ESRP1: variants seen among roughly 807,000 people sequenced by gnomAD.
The protein encoded by ESRP1 is epithelial splicing regulatory protein 1.
ESRP1 carries 33 observed loss-of-function variants against 81.7 expected under a neutral mutation model. The ratio of observed to expected loss-of-function variants is 0.40; its 90% CI spans 0.31 to 0.54. The LOEUF is 0.54. ESRP1 is among the 20% of genes least tolerant of loss of function. ESRP1 has a pLI of 0.41. For missense variants in ESRP1, 672 were observed against 833.1 expected (o/e 0.81, Z 2.38); for synonymous variants, 320 against 303.3 (o/e 1.06, Z -0.57).
rs779743725 is a variant in ESRP1, at chr8:94,668,117, G to A, written c.1100G>A (p.Gly367Asp). 2 of 1,613,984 alleles carry A rather than the reference G, an allele frequency of 1.2e-6. No homozygotes were observed. The highest frequency in any genetic ancestry group is 2.2e-5 in the East Asian group (1 of 44,884). The change falls in exon 10 of 16, where the codon GGT (glycine) becomes GAT (aspartate). Residue 367 changes from glycine to aspartate, a missense_variant. Transcript: ENST00000433389. The stretch of plus-strand genomic sequence containing the variant: ...ATCCTCTTTGTCACCTACCCAGATG[G>A]TAGGCCAACAGGGGACGCTTTTGTC... ...EGILFVTYPD[G>D]RPTGDAFVLF...
intron 4 of ESRP1, among the ~76,000 whole-genome samples, chr8:94,656,519 C>T (rs1483611288): frequency 1.3e-5 from 2 of 152,222 alleles, no homozygotes; most frequent in Admixed American, 6.5e-5. Context: ...CCACGCCCGG[C>T]CCATAAAGGT....
At chr8:94,680,435 C>CTT (rs1359787577) in intron 13 of ESRP1, among the ~76,000 whole-genome samples, 3 of 151,246 alleles carry the variant, frequency 2.0e-5, no homozygotes, top group Non-Finnish European at 4.4e-5. Flanking sequence ...ACATTAATTT[C>CTT]TTTTTTTTTG....
At position 94,671,435 on chromosome 8, in the gene ESRP1, G is replaced by T; in HGVS notation, c.1234-18G>T. 6.2e-7 allele frequency: 1 copy of T among 1,603,654 alleles called. No individual in the cohort carries two copies. Among genetic ancestry groups the T allele is most frequent in the Non-Finnish European group, 8.5e-7 (1 of 1,173,714 alleles). ...AGTAGCACAGCTCTAAATTACTTCT[G>T]TTTTGCTTTGAGTACAGGTGCTGAA... On this transcript the variant is annotated intron_variant, in intron 10 of 15. Coordinates refer to ENST00000433389, the MANE Select transcript of ESRP1 (RefSeq NM_017697.4).
At chr8:94,678,526 C>T (rs775130817) in intron 13 of ESRP1, among the ~76,000 whole-genome samples, 155 bp downstream of exon 13, 1 of 152,210 alleles carries the variant, frequency 6.6e-6, no homozygotes, top group East Asian at 1.9e-4. Context: ...AAGGTTGTTT[C>T]AAGACAAAGC....
chr8:94,641,815 C>G (rs62523409), intron 1 of ESRP1, 141 bp from the exon 2 acceptor site: 3 of 1,349,780 alleles, frequency 2.2e-6, no homozygotes, highest in African/African-American at 1.5e-5. Flanking sequence ...GCACCGGAAC[C>G]GATGGCGAGT....
intron 4 of ESRP1, among the ~76,000 whole-genome samples, chr8:94,647,511 C>T (rs1817909966): frequency 1.3e-5 from 2 of 152,200 alleles, no homozygotes; most frequent in African/African-American, 2.4e-5. Context: ...CTGGTGATGG[C>T]TCTTCCTGGC....
intron 10 of ESRP1, among the ~76,000 whole-genome samples, chr8:94,669,309 T>C (rs2130632784): frequency 6.6e-6 from 1 of 152,318 alleles, no homozygotes; most frequent in South Asian, 2.1e-4. Flanking sequence ...TAGTGATTCA[T>C]ATGATTCCAC....
At chr8:94,667,068 GGTGTGTGTGTGT>G (rs1163646804) in intron 9 of ESRP1, among the ~76,000 whole-genome samples, 2 of 144,244 alleles carry the variant, frequency 1.4e-5, no homozygotes, top group African/African-American at 2.6e-5. Context: ...CCAGGAGAGG[GGTGTGTGTGTGT>G]GTGTGTGTGT....
intron 4 of ESRP1, among the ~76,000 whole-genome samples, chr8:94,660,267 A>G (rs1818650181): frequency 6.6e-6 from 1 of 152,210 alleles, no homozygotes; most frequent in East Asian, 1.9e-4. Flanking sequence ...AGTTAAAGCT[A>G]ATGGTCATTA....
chr8:94,670,461 C>T (rs978997544), intron 10 of ESRP1, among the ~76,000 whole-genome samples: 1 of 152,102 alleles, frequency 6.6e-6, no homozygotes, highest in Non-Finnish European at 1.5e-5. Context: ...TCCCCTCTTA[C>T]TCAGATAGCA....
intron 4 of ESRP1, among the ~76,000 whole-genome samples, chr8:94,651,668 G>A (rs1398427971): frequency 6.6e-6 from 1 of 152,016 alleles, no homozygotes; most frequent in Non-Finnish European, 1.5e-5. Context: ...CCAGGCTGGA[G>A]TGCAATGATG....
chr8:94,678,819 A>G (rs1014111764), intron 13 of ESRP1, among the ~76,000 whole-genome samples: 3 of 152,258 alleles, frequency 2.0e-5, no homozygotes, highest in Non-Finnish European at 4.4e-5. Context: ...CTAAATCTTT[A>G]AACAAATCTA....
At chr8:94,673,644 A>C (rs1819443370) in intron 11 of ESRP1, among the ~76,000 whole-genome samples, 1 of 152,236 alleles carries the variant, frequency 6.6e-6, no homozygotes, top group African/African-American at 2.4e-5. Flanking sequence ...TACTAATAGA[A>C]AATGTCTGTT....
At chr8:94,671,216 A>AT (rs1181824483) in intron 10 of ESRP1, among the ~76,000 whole-genome samples, 4 of 152,208 alleles carry the variant, frequency 2.6e-5, no homozygotes, top group African/African-American at 9.6e-5. Flanking sequence ...TTTGACAAAA[A>AT]TGAGTATCAT....
intron 1 of ESRP1, 107 bp from the exon 2 acceptor site, chr8:94,641,849 G>A: frequency 6.6e-7 from 1 of 1,511,630 alleles, no homozygotes; most frequent in Non-Finnish European, 8.9e-7. Flanking sequence ...TCTGCGTCCG[G>A]ACCCCAAGAG....
chr8:94,652,010 T>TTTG (rs1216503816), intron 4 of ESRP1, among the ~76,000 whole-genome samples: 15 of 141,426 alleles, frequency 1.1e-4, no homozygotes, highest in East Asian at 4.0e-4. Flanking sequence ...TTTTTTTTTT[T>TTTG]GACAGAGTTT....
intron 11 of ESRP1, among the ~76,000 whole-genome samples, chr8:94,673,620 T>G (rs1215543650): frequency 1.3e-5 from 2 of 151,936 alleles, no homozygotes; most frequent in Non-Finnish European, 2.9e-5. Flanking sequence ...AAATAGGGGG[T>G]TTTAGCAAGC....
Position 94,678,475 on chromosome 8 carries a change from A to G in ESRP1, c.1820+104A>G, listed in dbSNP as rs1390593957. Reference sequence around the variant, plus strand: ...AATATTGTCTGCCATGTTGAAGGTTAGCGTGGCAGGCCACAGCCTCTGGTC... The same window carrying G: ...AATATTGTCTGCCATGTTGAAGGTTGGCGTGGCAGGCCACAGCCTCTGGTC... On this transcript the variant is annotated intron_variant, in intron 13 of 15. Coordinates refer to ENST00000433389, the MANE Select transcript of ESRP1 (RefSeq NM_017697.4). 3 of 1,353,942 alleles carry G rather than the reference A, an allele frequency of 2.2e-6. No individual in the cohort carries two copies. In the African/African-American group the frequency reaches 4.3e-5, roughly 20 times the overall value. 83.9% of individuals were successfully genotyped at this position (1,353,942 alleles called of 1,614,324 possible). A position where few individuals can be genotyped will look rare whatever the true frequency, so the allele number is the denominator to read the frequency against.
At chr8:94,679,372 A>G (rs1159781189) in intron 13 of ESRP1, among the ~76,000 whole-genome samples, 1 of 152,220 alleles carries the variant, frequency 6.6e-6, no homozygotes, top group Non-Finnish European at 1.5e-5. Context: ...CCAGACACGT[A>G]GCCCAGCCCC....
Sources: allele counts gnomAD v4.1 joint callset (sites outside exome capture counted in the v4.1 genomes callset), GRCh38; gene constraint gnomAD v4.1.1; transcripts MANE v1.5; gene names NCBI Gene and HGNC (gene_info 2026-07-23, HGNC 2026-07-21).